The following HOMER2 variants were observed in gnomAD, a reference collection of about 807,000 sequenced individuals.
The protein encoded by HOMER2 is homer scaffold protein 2.
A neutral mutation model predicts 47.0 loss-of-function variants in HOMER2; 27 were observed. That is an observed-to-expected ratio of 0.57 (90% CI 0.42 to 0.79). The LOEUF (loss-of-function observed/expected upper bound fraction) is 0.79, where lower values mean the gene tolerates loss of function less well. HOMER2 is among the 30% of genes least tolerant of loss of function. HOMER2 has a pLI of 0.00. For synonymous variants in HOMER2, 161 were observed against 163.8 expected, an observed-to-expected ratio of 0.98 and a Z score of 0.13; for missense variants, 443 against 435.0, an observed-to-expected ratio of 1.02 and a Z score of -0.16.
intron 3 of HOMER2, among the ~76,000 whole-genome samples, chr15:82,871,031 C>T (rs1259584844): frequency 6.6e-6 from 1 of 152,250 alleles, no homozygotes; most frequent in Admixed American, 6.5e-5. Context: ...CTTTCATAAG[C>T]TCTTCCTTTT....
chr15:82,967,190 G>T (rs1440331760), intron 1 of HOMER2, among the ~76,000 whole-genome samples: 4 of 152,098 alleles, frequency 2.6e-5, no homozygotes, highest in Admixed American at 6.5e-5. Context: ...GTTCAAGGCT[G>T]TAGTGAGCTA....
intron 1 of HOMER2, 117 bp downstream of exon 1, chr15:82,952,414 C>T: frequency 4.1e-6 from 3 of 726,978 alleles, no homozygotes; most frequent in Non-Finnish European, 5.5e-6. Flanking sequence ...GCGCTCGCTC[C>T]GGCTTGGGGA....
At chr15:82,901,648 A>G (rs1395430268) in intron 1 of HOMER2, among the ~76,000 whole-genome samples, 1 of 152,184 alleles carries the variant, frequency 6.6e-6, no homozygotes, top group Non-Finnish European at 1.5e-5. Context: ...GTGGCAGGAG[A>G]TGAGGTCTCA....
exon 2 of HOMER2, chr15:82,958,635 C>T (rs1201077987): frequency 6.6e-6 from 1 of 152,260 alleles, no homozygotes; most frequent in Non-Finnish European, 1.5e-5. Flanking sequence ...TCAGGAGGAT[C>T]TTAGCAAGAC....
At chr15:82,976,828 C>T (rs2030223173) in intron 1 of HOMER2, among the ~76,000 whole-genome samples, 2 of 151,716 alleles carry the variant, frequency 1.3e-5, no homozygotes, top group South Asian at 4.2e-4. Context: ...AGGCATGCGC[C>T]ACCATGCCTG....
chr15:82,902,197 A>ATTTTTTT (rs35594463), intron 1 of HOMER2, among the ~76,000 whole-genome samples: 2 of 135,070 alleles, frequency 1.5e-5, no homozygotes, highest in South Asian at 2.4e-4. Context: ...CATCCAAGTG[A>ATTTTTTT]TTTTTTTTTT....
At position 82,862,234 on chromosome 15, in the gene HOMER2, T is replaced by G. The variant is rs889157267; in HGVS notation, c.387+1933A>C. ...AAATACATACAATAACCTCTATACC[T>G]GGGGAACTATCAGGAAGGATAAATA... On this transcript the variant is annotated intron_variant, in intron 4 of 8. Transcript: ENST00000450735. Among the ~76,000 whole-genome samples, 14 of 152,046 alleles carry G rather than the reference T, an allele frequency of 9.2e-5. No homozygotes were observed. The East Asian group carries it at 2.7e-3, about 29-fold the overall frequency.
chr15:82,840,898 A>C (rs2051170216), exon 2 of HOMER2: 1 of 152,114 alleles, frequency 6.6e-6, no homozygotes, highest in Non-Finnish European at 1.5e-5. Context: ...AAAGAGCAAA[A>C]AATTCTAAAT....
At chr15:82,854,074 C>T (rs2051487121) in intron 6 of HOMER2, among the ~76,000 whole-genome samples, 1 of 152,166 alleles carries the variant, frequency 6.6e-6, no homozygotes, top group African/African-American at 2.4e-5. Context: ...TTTATCTTCT[C>T]CTCAGTAAGA....
At chr15:82,927,743 G>A (rs1222047624) in intron 1 of HOMER2, among the ~76,000 whole-genome samples, 3 of 152,070 alleles carry the variant, frequency 2.0e-5, no homozygotes, top group Admixed American at 6.6e-5. Context: ...GGCCAAGGTG[G>A]GTGGATCACG....
intron 1 of HOMER2, among the ~76,000 whole-genome samples, chr15:82,982,438 T>C (rs920611040): frequency 1.3e-5 from 2 of 152,204 alleles, no homozygotes; most frequent in African/African-American, 2.4e-5. Flanking sequence ...ATTTGAAAAT[T>C]TGAAAATCTG....
intron 4 of HOMER2, among the ~76,000 whole-genome samples, chr15:82,863,109 C>G (rs1179413635): frequency 6.6e-6 from 1 of 152,068 alleles, no homozygotes; most frequent in Non-Finnish European, 1.5e-5. Context: ...GGCTGATGGT[C>G]AAGTCTAGAG....
intron 2 of HOMER2, among the ~76,000 whole-genome samples, chr15:82,877,357 A>T (rs2052385434): frequency 6.6e-6 from 1 of 152,072 alleles, no homozygotes; most frequent in African/African-American, 2.4e-5. Context: ...TTTAGTAGAG[A>T]AGGGGCTTCA....
upstream of HOMER2, among the ~76,000 whole-genome samples, chr15:82,955,058 G>A (rs2054574496): frequency 6.6e-6 from 1 of 152,102 alleles, no homozygotes; most frequent in Admixed American, 6.5e-5. Flanking sequence ...TTACAGGCGT[G>A]TGCCACCGTG....
At chr15:82,926,108 C>G (rs372798861) in intron 1 of HOMER2, 1 of 152,424 alleles carries the variant, frequency 6.6e-6, no homozygotes, top group East Asian at 1.9e-4. Flanking sequence ...ATATATCCCA[C>G]TCCCTGACAC....
At chr15:82,976,874 C>T (rs2030224880) in intron 1 of HOMER2, among the ~76,000 whole-genome samples, 1 of 151,602 alleles carries the variant, frequency 6.6e-6, no homozygotes, top group African/African-American at 2.4e-5. Flanking sequence ...CGGGGTTTCA[C>T]CATGTTGCCC....
intron 2 of HOMER2, among the ~76,000 whole-genome samples, chr15:82,878,896 G>C (rs1287834089): frequency 6.6e-6 from 1 of 152,080 alleles, no homozygotes; most frequent in East Asian, 1.9e-4. Flanking sequence ...CCGAATGCTG[G>C]GATTATAGAC....
chr15:82,859,304 G>GT lies in HOMER2; in HGVS notation c.388-170dup, dbSNP rs55861392. 393,960 of 625,362 alleles carry GT rather than the reference G, an allele frequency of 0.63. 109,322 individuals are homozygous for GT. The highest frequency in any genetic ancestry group is 0.84 in the African/African-American group (44,108 of 52,488). 38.7% of individuals were successfully genotyped at this position (625,362 alleles called of 1,614,324 possible). A position where few individuals can be genotyped will look rare whatever the true frequency, so the allele number is the denominator to read the frequency against. ...ATGCAGCAAAGACTAACAAGTTTTT[G>GT]TTTTTTTTTTAAACAAACAAACAAA... is the stretch of plus-strand genomic sequence containing the variant. On this transcript the variant is annotated intron_variant, in intron 4 of 8. Transcript: ENST00000450735.
chr15:82,908,333 G>A (rs2053349038), intron 1 of HOMER2, among the ~76,000 whole-genome samples: 1 of 152,148 alleles, frequency 6.6e-6, no homozygotes, highest in Non-Finnish European at 1.5e-5. Flanking sequence ...GGAGGCCATT[G>A]ATTCAGACTG....
Sources: gnomAD v4.1 joint callset for allele counts (sites outside exome capture counted in the v4.1 genomes callset) on GRCh38, gnomAD v4.1.1 for gene constraint, MANE v1.5 for transcripts, NCBI Gene and HGNC (gene_info 2026-07-23, HGNC 2026-07-21) for gene names.